INPP4B: variants seen among roughly 807,000 people sequenced by gnomAD.
INPP4B encodes the protein inositol polyphosphate-4-phosphatase type II B, also known as inositol polyphosphate 4-phosphatase type II.
Under a neutral mutation model 122.5 loss-of-function variants are expected in INPP4B, and 55 were observed. That is an observed-to-expected ratio of 0.45 (90% confidence interval 0.36 to 0.56). The LOEUF (loss-of-function observed/expected upper bound fraction) is 0.56, where lower values mean the gene tolerates loss of function less well. INPP4B is among the 20% of genes least tolerant of loss of function. The probability of loss-of-function intolerance (pLI) is 0.00; values close to 1 mark genes in which losing one functional copy is unlikely to be tolerated. For synonymous variants in INPP4B, 403 were observed against 388.7 expected (o/e 1.04, Z -0.43); for missense variants, 1,000 against 1,097.7 (o/e 0.91, Z 1.26).
chr4:142,405,326 T>TGGCAAC lies in INPP4B; in HGVS notation c.137-8_137-3dup. 2 of 1,528,312 alleles carry TGGCAAC rather than the reference T, an allele frequency of 1.3e-6. No homozygotes were observed. The highest frequency in any genetic ancestry group is 1.8e-6 in the Non-Finnish European group (2 of 1,102,446). 94.7% of individuals were successfully genotyped at this position (1,528,312 alleles called of 1,614,324 possible). A position where few individuals can be genotyped will look rare whatever the true frequency, so the allele number is the denominator to read the frequency against. On this transcript the variant is annotated splice_region_variant and splice_polypyrimidine_tract_variant and intron_variant, in intron 5 of 25. Transcript: ENST00000262992. ...CAGGAGCCACGAGATCCTTGCATGC[T>TGGCAAC]GGCAACGGCAGAGGAGACAGAAAGA... is the stretch of plus-strand genomic sequence containing the variant.
chr4:142,153,815 C>T (rs1487049060), intron 17 of INPP4B, among the ~76,000 whole-genome samples: 1 of 152,124 alleles, frequency 6.6e-6, no homozygotes, highest in Non-Finnish European at 1.5e-5. Context: ...AAAATATTAA[C>T]TGCATGTGGG....
intron 12 of INPP4B, among the ~76,000 whole-genome samples, chr4:142,221,206 T>C (rs187464062): frequency 1.1e-4 from 17 of 151,964 alleles, no homozygotes; most frequent in African/African-American, 3.9e-4. Flanking sequence ...GAGACCATGC[T>C]GGCTAACATG....
At chr4:142,601,492 A>G (rs1739897953) in intron 2 of INPP4B, among the ~76,000 whole-genome samples, 1 of 151,928 alleles carries the variant, frequency 6.6e-6, no homozygotes, top group African/African-American at 2.4e-5. Flanking sequence ...AATCAAAAAA[A>G]TTATTAAATA....
At chr4:142,436,455 T>C (rs1442414254) in intron 3 of INPP4B, among the ~76,000 whole-genome samples, 1 of 152,112 alleles carries the variant, frequency 6.6e-6, no homozygotes, top group Non-Finnish European at 1.5e-5. Flanking sequence ...CCCAACTGGG[T>C]GACCCCCCAC....
At chr4:142,542,343 T>C (rs557049032) in intron 2 of INPP4B, among the ~76,000 whole-genome samples, 1 of 152,344 alleles carries the variant, frequency 6.6e-6, no homozygotes, top group East Asian at 1.9e-4. Context: ...ATGGTTCCTA[T>C]GTTCTGATTA....
intron 17 of INPP4B, among the ~76,000 whole-genome samples, chr4:142,157,544 T>A (rs1381318535): frequency 6.6e-6 from 1 of 152,082 alleles, no homozygotes; most frequent in Non-Finnish European, 1.5e-5. Flanking sequence ...GGCTTAGAAA[T>A]GACATTAAGG....
intron 7 of INPP4B, among the ~76,000 whole-genome samples, chr4:142,339,576 C>T (rs1366513414): frequency 1.3e-5 from 2 of 152,264 alleles, no homozygotes; most frequent in East Asian, 3.9e-4. Context: ...AGCTGAATAG[C>T]ATTCAGGGGT....
chr4:142,129,019 G>A (rs375385619), intron 18 of INPP4B, among the ~76,000 whole-genome samples: 4 of 152,066 alleles, frequency 2.6e-5, no homozygotes, highest in East Asian at 1.9e-4. Context: ...TTCCGTTATC[G>A]CAACCTTTCA....
intron 7 of INPP4B, among the ~76,000 whole-genome samples, chr4:142,347,875 G>A (rs1046716493): frequency 6.6e-6 from 1 of 151,942 alleles, no homozygotes; most frequent in East Asian, 1.9e-4. Flanking sequence ...CCACCTCAAA[G>A]CTAAAGATTC....
intron 25 of INPP4B, among the ~76,000 whole-genome samples, chr4:142,071,126 T>TA (rs1319201249): frequency 6.6e-6 from 1 of 152,010 alleles, no homozygotes; most frequent in African/African-American, 2.4e-5. Flanking sequence ...ATGGTACTGG[T>TA]CCGAAACAGA....
At chr4:142,588,598 T>G (rs1425414742) in intron 2 of INPP4B, among the ~76,000 whole-genome samples, 1 of 150,432 alleles carries the variant, frequency 6.6e-6, no homozygotes, top group East Asian at 1.9e-4. Flanking sequence ...ATATAATTAT[T>G]AATTCCAAAA....
intron 25 of INPP4B, among the ~76,000 whole-genome samples, chr4:142,070,731 T>A (rs913786334): frequency 6.6e-6 from 1 of 152,152 alleles, no homozygotes; most frequent in African/African-American, 2.4e-5. Context: ...TGAACTCCCA[T>A]TCACAATTGC....
At chr4:142,191,684 G>T (rs1835896890) in intron 15 of INPP4B, among the ~76,000 whole-genome samples, 1 of 152,302 alleles carries the variant, frequency 6.6e-6, no homozygotes, top group Non-Finnish European at 1.5e-5. Flanking sequence ...ACCTGAGGGA[G>T]TTTCTTTGTG....
At chr4:142,094,451 C>G (rs992300989) in intron 23 of INPP4B, among the ~76,000 whole-genome samples, 2 of 152,158 alleles carry the variant, frequency 1.3e-5, no homozygotes, top group Non-Finnish European at 2.9e-5. Flanking sequence ...ATTCTCCACA[C>G]AGAAGTCTGA....
intron 12 of INPP4B, among the ~76,000 whole-genome samples, chr4:142,230,008 C>T (rs758271308): frequency 1.3e-5 from 2 of 151,920 alleles, no homozygotes; most frequent in Non-Finnish European, 2.9e-5. Flanking sequence ...ACCAAGGTAC[C>T]ACTAACTGGC....
At chr4:142,435,209 T>C (rs1300783048) in intron 3 of INPP4B, among the ~76,000 whole-genome samples, 3 of 152,186 alleles carry the variant, frequency 2.0e-5, no homozygotes, top group African/African-American at 7.2e-5. Flanking sequence ...ATAAAGATAC[T>C]TAAACACAAG....
In INPP4B at chr4:142,399,188, G is replaced by GTTTTTT. The variant is rs1562013473; in HGVS notation, c.372+3749_372+3750insAAAAAA. Reference sequence around the variant, plus strand: ...TCTTTTCCTTTCTAAATTTCCTTTTGCTTTTTTTTTTTTTTTTTTTTTTTT... The same window carrying GTTTTTT: ...TCTTTTCCTTTCTAAATTTCCTTTTGTTTTTTCTTTTTTTTTTTTTTTTTTTTTTTT... On this transcript the variant is annotated intron_variant, in intron 7 of 25. Transcript: ENST00000262992. 3.1e-5 allele frequency among the ~76,000 whole-genome samples: 2 copies of GTTTTTT among 63,988 alleles called. 1 individual carries two copies. 42.0% of individuals were successfully genotyped at this position (63,988 alleles called of 152,430 possible).
At chr4:142,181,750 A>T (rs532925700) in intron 15 of INPP4B, among the ~76,000 whole-genome samples, 1 of 152,282 alleles carries the variant, frequency 6.6e-6, no homozygotes, top group East Asian at 1.9e-4. Flanking sequence ...TTCCTAAAAA[A>T]GTGGTGTTCC....
intron 9 of INPP4B, among the ~76,000 whole-genome samples, chr4:142,296,683 A>T (rs1253171515): frequency 3.3e-5 from 5 of 152,234 alleles, no homozygotes; most frequent in Non-Finnish European, 7.3e-5. Flanking sequence ...AGCCATACTG[A>T]CAGGCAACAG....
Sources: allele counts gnomAD v4.1 joint callset (sites outside exome capture counted in the v4.1 genomes callset), GRCh38; gene constraint gnomAD v4.1.1; transcripts MANE v1.5; gene names NCBI Gene and HGNC (gene_info 2026-07-23, HGNC 2026-07-21).